ZZEF1: variants seen among roughly 807,000 people sequenced by gnomAD.
The protein encoded by ZZEF1 is zinc finger ZZ-type and EF-hand domain-containing protein 1.
ZZEF1 carries 157 observed loss-of-function variants against 342.8 expected under a neutral mutation model. The observed-to-expected ratio is 0.46, with a 90% CI of 0.40 to 0.52. The LOEUF (loss-of-function observed/expected upper bound fraction) is 0.52, where lower values mean the gene tolerates loss of function less well. Ranked by LOEUF, ZZEF1 falls within the 20% of genes least tolerant of loss-of-function variation. ZZEF1 has a pLI of 0.00. For missense variants in ZZEF1, 3,480 were observed against 3,725.6 expected, an observed-to-expected ratio of 0.93 and a Z score of 1.72; for synonymous variants, 1,505 against 1,429.1, an observed-to-expected ratio of 1.05 and a Z score of -1.20.
chr17:4,060,862 A>G (rs903014254), intron 30 of ZZEF1, among the ~76,000 whole-genome samples: 8 of 152,190 alleles, frequency 5.3e-5, no homozygotes, highest in African/African-American at 1.9e-4. Flanking sequence ...CCCTGGTTCA[A>G]TCAAAGGCCA....
intron 8 of ZZEF1, 43 bp downstream of exon 8, chr17:4,104,590 C>A (rs1247034909): frequency 3.1e-6 from 5 of 1,600,850 alleles, no homozygotes; most frequent in South Asian, 1.1e-5. Context: ...ACGATTTGTC[C>A]ACTGTTGACA....
At chr17:4,059,907 G>A (rs968821791) in intron 30 of ZZEF1, among the ~76,000 whole-genome samples, 5 of 152,170 alleles carry the variant, frequency 3.3e-5, no homozygotes, top group African/African-American at 1.2e-4. Flanking sequence ...CAGCTCTCCT[G>A]CTCACCCAGG....
At chr17:4,053,882 G>T (rs2057101881) in intron 34 of ZZEF1, among the ~76,000 whole-genome samples, 175 bp downstream of exon 34, 1 of 152,220 alleles carries the variant, frequency 6.6e-6, no homozygotes, top group South Asian at 2.1e-4. Context: ...TATTAGGGCT[G>T]TGGAGCTTTT....
intron 1 of ZZEF1, among the ~76,000 whole-genome samples, chr17:4,141,600 C>T (rs2058849968): frequency 6.6e-6 from 1 of 152,068 alleles, no homozygotes; most frequent in Non-Finnish European, 1.5e-5. Flanking sequence ...GGGCTTAATA[C>T]CTGGGTGATG....
chr17:4,076,826 C>T (rs2145307326), intron 20 of ZZEF1, 42 bp downstream of exon 20: 7 of 1,612,916 alleles, frequency 4.3e-6, no homozygotes, highest in Non-Finnish European at 5.1e-6. Context: ...AGACCCCCAA[C>T]CCCCTTCCGG....
chr17:4,130,136 C>A (rs1388834063), intron 1 of ZZEF1, among the ~76,000 whole-genome samples: 1 of 152,118 alleles, frequency 6.6e-6, no homozygotes, highest in South Asian at 2.1e-4. Context: ...TGCACATGTA[C>A]CCCAGAACCT....
chr17:4,076,469 G>C, intron 21 of ZZEF1, 168 bp downstream of exon 21: 1 of 843,414 alleles, frequency 1.2e-6, no homozygotes, highest in South Asian at 2.0e-5. Flanking sequence ...AGGCCACATC[G>C]ACTTGGACTG....
At chr17:4,129,528 C>T (rs1358282449) in intron 1 of ZZEF1, among the ~76,000 whole-genome samples, 1 of 152,062 alleles carries the variant, frequency 6.6e-6, no homozygotes, top group Non-Finnish European at 1.5e-5. Flanking sequence ...AGTCCTTCAA[C>T]ATAAATAAGG....
At chr17:4,060,359 G>A (rs749184602) in intron 30 of ZZEF1, among the ~76,000 whole-genome samples, 10 of 152,100 alleles carry the variant, frequency 6.6e-5, no homozygotes, top group Non-Finnish European at 1.5e-4. Flanking sequence ...GAGGTCAGGA[G>A]TTCAAGACCA....
chr17:4,070,845 C>T lies in ZZEF1; in HGVS notation c.3914G>A (p.Gly1305Glu). Residue 1305 changes from glycine (G) to glutamate (E), a missense_variant, in exon 26 of 55, where the codon GGG becomes GAG. This residue lies in a region of ZZEF1 where 1,528 missense variants were observed against 1,624.1 expected (regional missense o/e 0.94). Transcript: ENST00000381638. ...TCCTTTGAAAAGTTCTGAATATGGC[C>T]CACAGAAGTTCTGAGCAGGCTCTGA... ...AQSEPAQNFCGPYSELFKGFI... is the reference protein window; with the variant it reads ...AQSEPAQNFCEPYSELFKGFI... 1 of 1,614,022 alleles carries T rather than the reference C, an allele frequency of 6.2e-7. No homozygotes were observed. Among genetic ancestry groups the T allele is most frequent in the Non-Finnish European group, 8.5e-7 (1 of 1,180,018 alleles).
Position 4,008,354 on chromosome 17 carries a change from T to A in ZZEF1, c.8805+529A>T. On this transcript the variant is annotated intron_variant, in intron 54 of 54. Transcript: ENST00000381638. This position sits in a 1 kb window ranked among gnomAD's most constrained non-coding sequence, Gnocchi z 4.2. ...ACGTGTTATTCATGTTAACATGAAATGGGTTCACTACTTTAAAAAAATAAA... is the reference window on the plus strand; with the variant it reads ...ACGTGTTATTCATGTTAACATGAAAAGGGTTCACTACTTTAAAAAAATAAA... 1 of 168,954 alleles carries A rather than the reference T, an allele frequency of 5.9e-6. No homozygotes were observed. The highest frequency in any genetic ancestry group is 1.2e-5 in the Non-Finnish European group (1 of 85,184). The allele number at this position is 168,954 out of a possible 1,614,324, so 10.5% of individuals were successfully genotyped here. A position where few individuals can be genotyped will look rare whatever the true frequency, so the allele number is the denominator to read the frequency against.
rs999801264 is a variant in ZZEF1 at position 4,096,799 on chromosome 17, G to A, written c.1673-99C>T. The stretch of plus-strand genomic sequence containing the variant: ...AAACCATATCCTTTGAGTCATGGGG[G>A]GTAACTGGTCTGATATCTTCACGAA... On this transcript the variant is annotated intron_variant, in intron 9 of 54. Transcript: ENST00000381638. 8 of 940,198 alleles carry A rather than the reference G, an allele frequency of 8.5e-6. 1 individual carries two copies. The highest frequency in any genetic ancestry group is 1.7e-6 in the Non-Finnish European group (1 of 591,110). 58.2% of individuals were successfully genotyped at this position (940,198 alleles called of 1,614,324 possible).
intron 1 of ZZEF1, among the ~76,000 whole-genome samples, chr17:4,139,760 C>T (rs2058812096): frequency 6.6e-6 from 1 of 152,232 alleles, no homozygotes; most frequent in African/African-American, 2.4e-5. Flanking sequence ...CTAAGCCTCA[C>T]TCACAGAACT....
rs150536710 is a variant in ZZEF1, at chr17:4,052,095, C to T, written c.5476G>A (p.Val1826Ile). Reference sequence around the variant, plus strand: ...TGGTCACAGGTAAACTCCATGTTGACCATTTCATGGTCGTCTCCGTGGCCC... The same window carrying T: ...TGGTCACAGGTAAACTCCATGTTGATCATTTCATGGTCGTCTCCGTGGCCC... Reference protein sequence around the residue: ...PEGHGDDHEMVNMEFTCDHCQ... With the variant: ...PEGHGDDHEMINMEFTCDHCQ... Residue 1826 changes from valine (V) to isoleucine (I), a missense_variant, in exon 35 of 55, where the codon GTC becomes ATC. Val to Ile is a conservative substitution (Grantham distance 29, BLOSUM62 3). Around this residue, in one of 5 missense-constraint regions of ZZEF1, gnomAD observed 175 missense variants for 254.6 expected, o/e 0.69. Coordinates refer to ENST00000381638, the MANE Select transcript of ZZEF1 (RefSeq NM_015113.4). The T allele has an allele frequency of 1.1e-4, 177 of 1,614,106 alleles. 3 individuals are homozygous for T. The East Asian group carries it at 3.8e-3, about 34-fold the overall frequency.
In ZZEF1 at chr17:4,034,247, T is replaced by C. The variant is rs2056612483; in HGVS notation, c.6352A>G (p.Met2118Val). Reference protein sequence around the residue: ...LIDLEHVLPLMFQVVISNAGH... With the variant: ...LIDLEHVLPLVFQVVISNAGH... ...GCGTTTGAGATGACAACCTGAAACA[T>C]GAGTGGAAGGACGTGCTCCAGGTCT... is the stretch of plus-strand genomic sequence containing the variant. The change falls in exon 40 of 55, where the codon ATG (methionine) becomes GTG (valine). Residue 2118 changes from methionine (M) to valine (V), a missense_variant. Physicochemically the swap from Met to Val is conservative, Grantham distance 21 (BLOSUM62 1). Coordinates refer to ENST00000381638, the MANE Select transcript of ZZEF1 (RefSeq NM_015113.4). The C allele has an allele frequency of 2.5e-6, 4 of 1,614,000 alleles. No homozygotes were observed. The Admixed American group carries it at 5.0e-5, about 20-fold the overall frequency.
rs2057059394 is a variant in ZZEF1, at chr17:4,052,033, G to A, written c.5538C>T (p.Cys1846=). The A allele has an allele frequency of 1.2e-6, 2 of 1,614,044 alleles. No individual in the cohort carries two copies. Among genetic ancestry groups the A allele is most frequent in the African/African-American group, 2.7e-5 (2 of 74,912 alleles). The change falls in exon 35 of 55, where the codon TGC becomes TGT. Residue 1846 remains cysteine, a synonymous_variant. Coordinates refer to ENST00000381638, the MANE Select transcript of ZZEF1 (RefSeq NM_015113.4). Reference sequence around the variant, plus strand: ...AAAGATCAAAGTCATCGCAAACATTGCAGTTCATCCTCCGGCCTATGATCA... The same window carrying A: ...AAAGATCAAAGTCATCGCAAACATTACAGTTCATCCTCCGGCCTATGATCA... The part of the protein sequence containing the change: ...QGLIIGRRMN[C]NVCDDFDLCY...
chr17:4,114,133 G>A (rs1248271943), intron 4 of ZZEF1, among the ~76,000 whole-genome samples, 166 bp downstream of exon 4: 2 of 151,978 alleles, frequency 1.3e-5, no homozygotes, highest in African/African-American at 4.8e-5. Context: ...AAATATCAGG[G>A]AAATTATCTG....
At chr17:4,103,530 G>C (rs1380715646) in intron 8 of ZZEF1, among the ~76,000 whole-genome samples, 1 of 151,920 alleles carries the variant, frequency 6.6e-6, no homozygotes, top group African/African-American at 2.4e-5. Flanking sequence ...CTGGATGACA[G>C]AGCAGGACTC....
In ZZEF1 at chr17:4,006,970, C is replaced by T; in HGVS notation, c.8806G>A (p.Ala2936Thr). ...DDHLLRCAAQ[A>T]LQNIAAISLA... Reference sequence around the variant, plus strand: ...CTGATGGCAGCAATGTTCTGCAGAGCCTGTAGAGGGAAAAAGAGTTGTCGC... The same window carrying T: ...CTGATGGCAGCAATGTTCTGCAGAGTCTGTAGAGGGAAAAAGAGTTGTCGC... The change falls in exon 55 of 55, where the codon GCT (alanine) becomes ACT (threonine). Residue 2936 changes from alanine to threonine, a missense_variant and splice_region_variant. Ala to Thr is a moderately conservative substitution (Grantham distance 58, BLOSUM62 0). Around this residue, in one of 5 missense-constraint regions of ZZEF1, gnomAD observed 1,269 missense variants for 1,342.4 expected, o/e 0.95. Transcript: ENST00000381638. 6.3e-7 allele frequency: 1 copy of T among 1,581,488 alleles called. No homozygotes were observed. Among genetic ancestry groups the T allele is most frequent in the Non-Finnish European group, 8.6e-7 (1 of 1,162,488 alleles).
Sources: allele counts gnomAD v4.1 joint callset (sites outside exome capture counted in the v4.1 genomes callset), GRCh38; gene constraint gnomAD v4.1.1; regional missense constraint gnomAD v4.1.1; non-coding constraint Gnocchi (gnomAD v3.1); transcripts MANE v1.5; gene names NCBI Gene and HGNC (gene_info 2026-07-23, HGNC 2026-07-21).